The following SMARCA2 variants were observed in gnomAD, a reference collection of about 807,000 sequenced individuals.
SMARCA2 encodes SWI/SNF related BAF chromatin remodeling complex subunit ATPase 2.
In SMARCA2, 61 loss-of-function variants were observed where a neutral mutation model predicts 199.8. The observed-to-expected ratio is 0.31, with a 90% CI of 0.25 to 0.38. The LOEUF (loss-of-function observed/expected upper bound fraction) is 0.38, where lower values mean the gene tolerates loss of function less well. Ranked by LOEUF, SMARCA2 falls within the 10% of genes least tolerant of loss-of-function variation. The probability of loss-of-function intolerance (pLI) is 1.00; values close to 1 mark genes in which losing one functional copy is unlikely to be tolerated. For synonymous variants in SMARCA2, 935 were observed against 732.0 expected, an observed-to-expected ratio of 1.28 and a Z score of -4.48; for missense variants, 1,344 against 2,012.2, an observed-to-expected ratio of 0.67 and a Z score of 6.35.
chr9:2,022,254 C>T (rs1203578925), intron 1 of SMARCA2: 2 of 152,132 alleles, frequency 1.3e-5, no homozygotes, highest in Non-Finnish European at 2.9e-5. Context: ...GGAATTGAAG[C>T]TGTTAGAAGG....
rs1023865364 is a variant in SMARCA2 at position 2,058,152 on chromosome 9, G to A, written c.1348-139G>A. On this transcript the variant is annotated intron_variant, in intron 7 of 33. Coordinates refer to ENST00000349721, the MANE Select transcript of SMARCA2 (RefSeq NM_003070.5). The stretch of plus-strand genomic sequence containing the variant: ...ACACCTTAACTGCAGAGACACCAGG[G>A]CACCTATCCCCAAACAGATTCTAGT... 4 of 721,512 alleles carry A rather than the reference G, an allele frequency of 5.5e-6. No homozygotes were observed. The Admixed American group carries it at 8.8e-5, about 16-fold the overall frequency. The allele number at this position is 721,512 out of a possible 1,614,324, so 44.7% of individuals were successfully genotyped here.
intron 27 of SMARCA2, among the ~76,000 whole-genome samples, chr9:2,138,813 G>A (rs924535946): frequency 6.6e-5 from 10 of 152,054 alleles, no homozygotes; most frequent in African/African-American, 2.2e-4. Flanking sequence ...TGCCTTTGGC[G>A]GCCCTAGAAA....
At chr9:2,188,012 G>C (rs1264337621) in intron 32 of SMARCA2, among the ~76,000 whole-genome samples, 1 of 152,082 alleles carries the variant, frequency 6.6e-6, no homozygotes, top group East Asian at 1.9e-4. Context: ...TAGAGATATA[G>C]AATTACACGT....
rs56186732 is a variant in SMARCA2 at position 2,176,182 on chromosome 9, GTTTTTTTT to G, written c.4254-5375_4254-5368del. Among the ~76,000 whole-genome samples the G allele has an allele frequency of 1.8e-4, 19 of 104,144 alleles. No homozygotes were observed. In the South Asian group the frequency reaches 3.9e-3, roughly 21 times the overall value. The allele number at this position is 104,144 out of a possible 152,430, so 68.3% of individuals were successfully genotyped here. A position where few individuals can be genotyped will look rare whatever the true frequency, so the allele number is the denominator to read the frequency against. ...AGGCATGAGCCACCGCGCCCGGCCT[GTTTTTTTT>G]TTTTTTTTTTTTTATAATGACGTAA... On this transcript the variant is annotated intron_variant, in intron 29 of 33. Coordinates refer to ENST00000349721, the MANE Select transcript of SMARCA2 (RefSeq NM_003070.5).
At chr9:2,121,340 G>C (rs1586726747) in intron 26 of SMARCA2, among the ~76,000 whole-genome samples, 2 of 152,212 alleles carry the variant, frequency 1.3e-5, no homozygotes, top group Non-Finnish European at 2.9e-5. Context: ...AACACTTTTT[G>C]TAGGCACTTT....
chr9:2,083,023 T>C (rs1821634999), intron 15 of SMARCA2, among the ~76,000 whole-genome samples: 1 of 152,184 alleles, frequency 6.6e-6, no homozygotes, highest in Admixed American at 6.5e-5. Flanking sequence ...ATATGGCTGT[T>C]TATGAAGATT....
At chr9:2,018,931 G>A (rs1408093611) in intron 1 of SMARCA2, among the ~76,000 whole-genome samples, 5 of 152,212 alleles carry the variant, frequency 3.3e-5, no homozygotes, top group African/African-American at 1.2e-4. Flanking sequence ...GTTAAGAGGC[G>A]TGGCAGATTT....
intron 31 of SMARCA2, among the ~76,000 whole-genome samples, chr9:2,182,945 C>G (rs1254912313): frequency 6.6e-6 from 1 of 152,014 alleles, no homozygotes; most frequent in Non-Finnish European, 1.5e-5. Flanking sequence ...CATGCGCCAC[C>G]ACGCCAGGCA....
chr9:2,096,523 C>T (rs1206911869), intron 19 of SMARCA2, 134 bp from the exon 20 acceptor site: 7 of 630,164 alleles, frequency 1.1e-5, no homozygotes, highest in African/African-American at 5.5e-5. Flanking sequence ...CATCTCACCC[C>T]GCACTCCGTG....
chr9:2,162,451 G>C (rs1340763658), intron 28 of SMARCA2, among the ~76,000 whole-genome samples: 6 of 152,010 alleles, frequency 3.9e-5, no homozygotes, highest in Non-Finnish European at 8.8e-5. Context: ...CTTTTTTATG[G>C]GATTTTTGGA....
intron 15 of SMARCA2, among the ~76,000 whole-genome samples, chr9:2,082,880 A>G (rs1046430501): frequency 6.6e-6 from 1 of 152,220 alleles, no homozygotes; most frequent in Non-Finnish European, 1.5e-5. Context: ...TGAATCATAT[A>G]TACAGTGACA....
In SMARCA2 at chr9:2,169,886, T is replaced by C. The variant is rs142579005; in HGVS notation, c.4200-533T>C. Among the ~76,000 whole-genome samples, 285 of 152,318 alleles carry C rather than the reference T, an allele frequency of 1.9e-3. No individual in the cohort carries two copies. The highest frequency in any genetic ancestry group is 6.5e-3 in the African/African-American group (272 of 41,572). ...AATTCAGTGATCTCTCGAAAAGGAATAGAGCTCTTGGAAGCAGAGCTGACT... is the reference window on the plus strand; with the variant it reads ...AATTCAGTGATCTCTCGAAAAGGAACAGAGCTCTTGGAAGCAGAGCTGACT... On this transcript the variant is annotated intron_variant, in intron 28 of 33. Transcript: ENST00000349721. This position sits in a 1 kb window ranked among gnomAD's most constrained non-coding sequence, Gnocchi z 6.5.
intron 15 of SMARCA2, 85 bp downstream of exon 15, chr9:2,082,080 G>A (rs1282153525): frequency 3.4e-6 from 4 of 1,174,840 alleles, no homozygotes; most frequent in Admixed American, 4.1e-5. Flanking sequence ...TTTTACTTAA[G>A]ACAGAATTGT....
At chr9:2,044,195 G>A (rs1296812526) in intron 4 of SMARCA2, 1 of 152,210 alleles carries the variant, frequency 6.6e-6, no homozygotes, top group Non-Finnish European at 1.5e-5. Context: ...TCAGTTCCCC[G>A]GCCTCTGTTA....
At chr9:2,130,616 C>G (rs1823900125) in intron 27 of SMARCA2, among the ~76,000 whole-genome samples, 1 of 152,114 alleles carries the variant, frequency 6.6e-6, no homozygotes, top group Non-Finnish European at 1.5e-5. Flanking sequence ...TTGTAACTTT[C>G]CTATGGTGTG....
At chr9:2,165,733 C>T (rs899152049) in intron 28 of SMARCA2, among the ~76,000 whole-genome samples, 5 of 152,064 alleles carry the variant, frequency 3.3e-5, no homozygotes, top group African/African-American at 1.2e-4. Context: ...TGAAAATTGC[C>T]CCTGGGATGA....
chr9:2,060,152 C>CAAAAAAAAAAAAA (rs1820524051), intron 8 of SMARCA2, among the ~76,000 whole-genome samples: 1 of 124,478 alleles, frequency 8.0e-6, no homozygotes, highest in African/African-American at 3.2e-5. Flanking sequence ...AAAAAAAAAT[C>CAAAAAAAAAAAAA]CCCCAAATTT....
rs1351026305 is a variant in SMARCA2 at position 2,181,625 on chromosome 9, A to G, written c.4308A>G (p.Leu1436=). The G allele has an allele frequency of 1.9e-6, 3 of 1,600,560 alleles. No individual in the cohort carries two copies. In the South Asian group the frequency reaches 3.3e-5, roughly 18 times the overall value. The part of the protein sequence containing the change: ...VFIQLPSRKE[L]PEYYELIRKP... ...TTCAGTTACCTTCAAGGAAAGAATT[A>G]CCAGAATACTATGAATTAATTAGGA... Residue 1436 remains leucine, a synonymous_variant, in exon 30 of 34, where the codon TTA becomes TTG. Coordinates refer to ENST00000349721, the MANE Select transcript of SMARCA2 (RefSeq NM_003070.5).
At chr9:2,103,363 A>G (rs927058668) in intron 22 of SMARCA2, among the ~76,000 whole-genome samples, 1 of 152,180 alleles carries the variant, frequency 6.6e-6, no homozygotes, top group African/African-American at 2.4e-5. Context: ...AAGGTTGCCA[A>G]ACTCTGCTCC....
Sources: allele counts gnomAD v4.1 joint callset (sites outside exome capture counted in the v4.1 genomes callset), GRCh38; gene constraint gnomAD v4.1.1; non-coding constraint Gnocchi (gnomAD v3.1); transcripts MANE v1.5; gene names NCBI Gene and HGNC (gene_info 2026-07-23, HGNC 2026-07-21).